Variants in TTC16 observed in about 807,000 individuals in gnomAD.
The protein encoded by TTC16 is tetratricopeptide repeat protein 16.
TTC16 carries 66 observed loss-of-function variants against 80.4 expected under a neutral mutation model. That is an observed-to-expected ratio of 0.82 (90% CI 0.67 to 1.01). TTC16 has a LOEUF of 1.01. Ranked by LOEUF, TTC16 falls within the 50% of genes least tolerant of loss-of-function variation. The probability of loss-of-function intolerance (pLI) is 0.00; values close to 1 mark genes in which losing one functional copy is unlikely to be tolerated. For synonymous variants in TTC16, 438 were observed against 451.3 expected (o/e 0.97, Z 0.37); for missense variants, 1,070 against 1,103.2 (o/e 0.97, Z 0.43).
intron 6 of TTC16, 118 bp downstream of exon 6, chr9:127,720,513 A>ACT: frequency 2.3e-6 from 3 of 1,319,902 alleles, no homozygotes; most frequent in Non-Finnish European, 2.1e-6. Flanking sequence ...CCCACAGTGC[A>ACT]GTGGGTGCTG....
At chr9:127,724,549 A>G in intron 8 of TTC16, 185 bp downstream of exon 8, 1 of 1,098,438 alleles carries the variant, frequency 9.1e-7, no homozygotes, top group Non-Finnish European at 1.3e-6. Context: ...TGCCTTAGAC[A>G]AACTGGCTCC....
Position 127,726,350 on chromosome 9 carries a change from T to C in TTC16, c.1371T>C (p.Phe457=). 3 of 1,612,054 alleles carry C rather than the reference T, an allele frequency of 1.9e-6. No individual in the cohort carries two copies. The highest frequency in any genetic ancestry group is 2.5e-6 in the Non-Finnish European group (3 of 1,179,290). The part of the protein sequence containing the change: ...AKSRQLLQNI[F]GARQDVATVL... ...GCCGGCAGCTGCTGCAGAACATTTTTGGGGCCCGCCAGGATGTGGCCACTG... is the reference window on the plus strand; with the variant it reads ...GCCGGCAGCTGCTGCAGAACATTTTCGGGGCCCGCCAGGATGTGGCCACTG... Residue 457 remains phenylalanine, a synonymous_variant, in exon 10 of 14, where the codon TTT becomes TTC. Coordinates refer to ENST00000373289, the MANE Select transcript of TTC16 (RefSeq NM_144965.3).
intron 1 of TTC16, 114 bp downstream of exon 1, chr9:127,716,277 G>C: frequency 6.7e-7 from 1 of 1,487,376 alleles, no homozygotes; most frequent in Non-Finnish European, 9.4e-7. Context: ...GTCCGACTCA[G>C]GGAAGGCCCT....
Position 127,726,413 on chromosome 9 carries a change from C to G in TTC16, c.1425+9C>G, listed in dbSNP as rs1338686476. The G allele has an allele frequency of 6.3e-7, 1 of 1,585,406 alleles. No individual in the cohort carries two copies. Among genetic ancestry groups the G allele is most frequent in the South Asian group, 1.1e-5 (1 of 88,826 alleles). On this transcript the variant is annotated intron_variant, in intron 10 of 13. Coordinates refer to ENST00000373289, the MANE Select transcript of TTC16 (RefSeq NM_144965.3). The stretch of plus-strand genomic sequence containing the variant: ...ACCCCAAGCAACCAAAGGTAGGTTC[C>G]TGCCACGTCAGGAGTGTAGGCTCCG...
intron 10 of TTC16, among the ~76,000 whole-genome samples, 161 bp from the exon 11 acceptor site, chr9:127,726,809 A>C (rs1454035637): frequency 4.7e-5 from 1 of 21,386 alleles, no homozygotes; most frequent in Non-Finnish European, 8.6e-5. Flanking sequence ...AAAAAAAAAA[A>C]AAAAAAAAAA....
At chr9:127,729,868 T>G (rs1844257769) in intron 13 of TTC16, 200 bp downstream of exon 13, 1 of 583,714 alleles carries the variant, frequency 1.7e-6, no homozygotes, top group Admixed American at 3.0e-5. Flanking sequence ...TCCAGGCACT[T>G]CATGGTAGCT....
In TTC16 at chr9:127,724,800, T is replaced by C. The variant is rs748267282; in HGVS notation, c.1162T>C (p.Tyr388His). ...CAACCTGGCCTTTGCCGAGGCGGAC[T>C]ACCAGCAGGCGCTGGCGCTGAGCCC... ...LGNLAFAEADYQQALALSPQD... is the reference protein window; with the variant it reads ...LGNLAFAEADHQQALALSPQD... The change falls in exon 9 of 14, where the codon TAC (tyrosine) becomes CAC (histidine). Residue 388 changes from tyrosine (Y) to histidine (H), a missense_variant. Transcript: ENST00000373289. 3.5e-5 allele frequency: 56 copies of C among 1,610,444 alleles called. No homozygotes were observed. The highest frequency in any genetic ancestry group is 4.7e-5 in the Non-Finnish European group (56 of 1,179,256).
Position 127,727,110 on chromosome 9 carries a change from G to T in TTC16, c.1566G>T (p.Val522=), listed in dbSNP as rs148266450. 8.8e-6 allele frequency: 14 copies of T among 1,597,572 alleles called. No homozygotes were observed. Among genetic ancestry groups the T allele is most frequent in the Non-Finnish European group, 1.2e-5 (14 of 1,171,096 alleles). Residue 522 remains valine, a splice_region_variant and synonymous_variant, in exon 11 of 14, where the codon GTG becomes GTT. Transcript: ENST00000373289. The part of the protein sequence containing the change: ...SLQAGSPQGI[V]GMLKRHELER... ...AGGCCGGCAGCCCACAAGGCATTGT[G>T]GGGTAAGCCCTGGAGCAAGGGGCAC...
chr9:127,730,359 G>C (rs1260875785), intron 13 of TTC16: 1 of 504,938 alleles, frequency 2.0e-6, no homozygotes, highest in Non-Finnish European at 3.5e-6. Context: ...TGCTGGGGCT[G>C]TCTGCTGCAA....
intron 6 of TTC16, 74 bp from the exon 7 acceptor site, chr9:127,723,045 C>A: frequency 6.7e-7 from 1 of 1,493,832 alleles, no homozygotes; most frequent in Non-Finnish European, 9.2e-7. Flanking sequence ...TGATGCCACC[C>A]TGCTGAAGAA....
In TTC16 at chr9:127,729,615, C is replaced by T. The variant is rs765895981; in HGVS notation, c.1799C>T (p.Ala600Val). Residue 600 changes from alanine (A) to valine (V), a missense_variant, in exon 13 of 14, where the codon GCG becomes GTG. By Grantham distance (64) the Ala-to-Val change is moderately conservative. Transcript: ENST00000373289. ...TCAGAGCTCATACCTAGCAAGGTGGCGTCCCTGTCTGACAGCTACCTTGAC... is the reference window on the plus strand; with the variant it reads ...TCAGAGCTCATACCTAGCAAGGTGGTGTCCCTGTCTGACAGCTACCTTGAC... ...KKSELIPSKV[A>V]SLSDSYLDQT... 12 of 1,613,694 alleles carry T rather than the reference C, an allele frequency of 7.4e-6. No homozygotes were observed. Among genetic ancestry groups the T allele is most frequent in the Non-Finnish European group, 9.3e-6 (11 of 1,180,010 alleles).
At chr9:127,717,108 C>T in intron 2 of TTC16, 92 bp downstream of exon 2, 5 of 1,496,706 alleles carry the variant, frequency 3.3e-6, no homozygotes, top group South Asian at 1.2e-5. Flanking sequence ...TCTCTTCAGG[C>T]CTCAGTGAAC....
intron 8 of TTC16, 101 bp from the exon 9 acceptor site, chr9:127,724,655 C>A: frequency 6.8e-7 from 1 of 1,461,242 alleles, no homozygotes. Flanking sequence ...GGGTTATCAG[C>A]CACCAGTTTC....
At position 127,726,383 on chromosome 9, in the gene TTC16, C is replaced by T. The variant is rs1843957456; in HGVS notation, c.1404C>T (p.Leu468=). 1.2e-6 allele frequency: 2 copies of T among 1,606,474 alleles called. No homozygotes were observed. Among genetic ancestry groups the T allele is most frequent in the African/African-American group, 2.7e-5 (2 of 74,846 alleles). ...GARQDVATVL[L]LNPKQPKLSL... ...GCCAGGATGTGGCCACTGTCCTGCT[C>T]CTCAACCCCAAGCAACCAAAGGTAG... The change falls in exon 10 of 14, where the codon CTC becomes CTT. Residue 468 remains leucine (L), a synonymous_variant. Transcript: ENST00000373289.
intron 7 of TTC16, 110 bp from the exon 8 acceptor site, chr9:127,724,010 A>G (rs1023332688): frequency 1.4e-6 from 2 of 1,383,214 alleles, no homozygotes; most frequent in Non-Finnish European, 9.6e-7. Flanking sequence ...CACTGCCTCC[A>G]TGGGTCAGGA....
intron 13 of TTC16, 143 bp from the exon 14 acceptor site, chr9:127,730,493 G>A (rs574239769): frequency 3.5e-5 from 45 of 1,272,150 alleles, no homozygotes; most frequent in Admixed American, 1.9e-4. Context: ...GGGGCTGGGC[G>A]GGGGTGATCT....
rs1844034860 is a variant in TTC16, at chr9:127,727,026, C to T, written c.1482C>T (p.Ser494=). The T allele has an allele frequency of 6.2e-7, 1 of 1,612,850 alleles. No homozygotes were observed. The highest frequency in any genetic ancestry group is 8.5e-7 in the Non-Finnish European group (1 of 1,180,000). The change falls in exon 11 of 14, where the codon AGC becomes AGT. Residue 494 remains serine (S), a synonymous_variant. Coordinates refer to ENST00000373289, the MANE Select transcript of TTC16 (RefSeq NM_144965.3). Reference sequence around the variant, plus strand: ...GCATGTCGGTGGAGGAGGTGCTTAGCACCCAGATAGCCCACCTGGCCAGGC... The same window carrying T: ...GCATGTCGGTGGAGGAGGTGCTTAGTACCCAGATAGCCCACCTGGCCAGGC... The part of the protein sequence containing the change: ...FPGMSVEEVL[S]TQIAHLARLQ...
In TTC16 at chr9:127,718,806, G is replaced by A. The variant is rs530169424; in HGVS notation, c.426+1034G>A. 1.1e-4 allele frequency among the ~76,000 whole-genome samples: 17 copies of A among 151,690 alleles called. No homozygotes were observed. Among genetic ancestry groups the A allele is most frequent in the Non-Finnish European group, 1.6e-4 (11 of 67,846 alleles). On this transcript the variant is annotated intron_variant, in intron 4 of 13. Transcript: ENST00000373289. This position sits in a 1 kb window ranked among gnomAD's most constrained non-coding sequence, Gnocchi z 4.6. Reference sequence around the variant, plus strand: ...GGGTTTTTGCCATGTTGGCCAGGCCGGTCTCCAACTCCTGACCTCAAGTAA... The same window carrying A: ...GGGTTTTTGCCATGTTGGCCAGGCCAGTCTCCAACTCCTGACCTCAAGTAA...
At chr9:127,726,787 C>CAAAAAAAAAAA (rs55676226) in intron 10 of TTC16, among the ~76,000 whole-genome samples, 183 bp from the exon 11 acceptor site, 2 of 127,842 alleles carry the variant, frequency 1.6e-5, no homozygotes, top group Non-Finnish European at 3.5e-5. Context: ...GACTCTGTCT[C>CAAAAAAAAAAA]AAAAAAAAAA....
Sources: allele counts gnomAD v4.1 joint callset (sites outside exome capture counted in the v4.1 genomes callset), GRCh38; gene constraint gnomAD v4.1.1; non-coding constraint Gnocchi (gnomAD v3.1); transcripts MANE v1.5; gene names NCBI Gene and HGNC (gene_info 2026-07-23, HGNC 2026-07-21).